Variants in SOX6 observed in about 807,000 individuals in gnomAD.
SOX6 encodes transcription factor SOX-6.
In SOX6, 11 loss-of-function variants were observed where a neutral mutation model predicts 97.8. The ratio of observed to expected loss-of-function variants is 0.11; its 90% CI spans 0.07 to 0.19. The LOEUF (loss-of-function observed/expected upper bound fraction) is 0.19, where lower values mean the gene tolerates loss of function less well. Ranked by LOEUF, SOX6 falls within the 10% of genes least tolerant of loss-of-function variation. SOX6 has a pLI of 1.00. For missense variants in SOX6, 810 were observed against 1,039.5 expected (o/e 0.78, Z 3.04); for synonymous variants, 360 against 371.4 (o/e 0.97, Z 0.35).
chr11:16,004,995 C>T lies in SOX6; in HGVS notation c.1732+9947G>A, dbSNP rs530045829. Among the ~76,000 whole-genome samples, 13 of 152,108 alleles carry T rather than the reference C, an allele frequency of 8.5e-5. No individual in the cohort carries two copies. The South Asian group carries it at 2.7e-3, about 32-fold the overall frequency. ...CTAGCACAGTGACTGGAACCCAATA[C>T]CTACTCACTAAGCAGTAGTTCATTT... On this transcript the variant is annotated intron_variant, in intron 13 of 15. Transcript: ENST00000683767.
chr11:16,031,124 T>G (rs990323131), intron 12 of SOX6, among the ~76,000 whole-genome samples: 2 of 152,130 alleles, frequency 1.3e-5, no homozygotes, highest in Non-Finnish European at 2.9e-5. Flanking sequence ...TTTAGAGACT[T>G]CCCCAAGATG....
At chr11:16,612,760 C>T (rs938338904) in intron 3 of SOX6, among the ~76,000 whole-genome samples, 1 of 152,060 alleles carries the variant, frequency 6.6e-6, no homozygotes, top group Admixed American at 6.5e-5. Flanking sequence ...CTCCTCCATT[C>T]CCCTCTAATG....
intron 3 of SOX6, among the ~76,000 whole-genome samples, chr11:16,308,435 T>C (rs1330986392): frequency 6.6e-6 from 1 of 152,194 alleles, no homozygotes; most frequent in Admixed American, 6.5e-5. Context: ...GATCAATTAA[T>C]TAATTATTAG....
At chr11:16,165,491 T>C (rs1850864124) in intron 6 of SOX6, among the ~76,000 whole-genome samples, 1 of 152,168 alleles carries the variant, frequency 6.6e-6, no homozygotes. Flanking sequence ...TACCAGTCAG[T>C]AAACTAAGGC....
intron 1 of SOX6, among the ~76,000 whole-genome samples, chr11:16,354,702 C>T (rs1857031318): frequency 6.6e-6 from 1 of 151,942 alleles, no homozygotes; most frequent in Non-Finnish European, 1.5e-5. Context: ...AACCCATTTG[C>T]TCAGAATTAA....
intron 3 of SOX6, among the ~76,000 whole-genome samples, chr11:16,296,195 A>G (rs1186014132): frequency 2.0e-5 from 3 of 152,184 alleles, no homozygotes; most frequent in African/African-American, 4.8e-5. Context: ...TAATTCAATT[A>G]TAAGTACTGA....
intron 4 of SOX6, among the ~76,000 whole-genome samples, chr11:16,560,422 C>CATATGTTTATACGTACAT (rs1222293297): frequency 8.8e-6 from 1 of 113,226 alleles, no homozygotes; most frequent in Non-Finnish European, 2.0e-5. Flanking sequence ...TATATACGTA[C>CATATGTTTATACGTACAT]ATATGTTTAT....
At chr11:16,426,933 A>AC (rs1859152512) in intron 1 of SOX6, among the ~76,000 whole-genome samples, 1 of 149,438 alleles carries the variant, frequency 6.7e-6, no homozygotes, top group Non-Finnish European at 1.5e-5. Flanking sequence ...AAAAAAAAAA[A>AC]AAACTGGATC....
chr11:16,731,399 C>T (rs1216100727), intron 2 of SOX6, among the ~76,000 whole-genome samples: 3 of 152,110 alleles, frequency 2.0e-5, no homozygotes, highest in Admixed American at 6.6e-5. Context: ...TTATTCACCA[C>T]GATCAAGTCA....
chr11:16,387,521 T>C (rs1858026326), intron 1 of SOX6, among the ~76,000 whole-genome samples: 1 of 152,098 alleles, frequency 6.6e-6, no homozygotes, highest in Admixed American at 6.6e-5. Flanking sequence ...ATATGGTAGA[T>C]TATTCATAAA....
chr11:15,992,047 T>G (rs999221495), intron 13 of SOX6, among the ~76,000 whole-genome samples: 5 of 152,238 alleles, frequency 3.3e-5, no homozygotes, highest in Non-Finnish European at 5.9e-5. Context: ...TTCACAGCAA[T>G]TCTCTGGGAC....
chr11:16,145,420 A>T (rs1024693524), intron 6 of SOX6, among the ~76,000 whole-genome samples: 2 of 152,230 alleles, frequency 1.3e-5, no homozygotes, highest in African/African-American at 2.4e-5. Context: ...AACTGGAAGC[A>T]TTCCCTTTGA....
chr11:16,460,520 T>A (rs1007918183), intron 1 of SOX6, among the ~76,000 whole-genome samples: 2 of 152,022 alleles, frequency 1.3e-5, no homozygotes, highest in African/African-American at 2.4e-5. Flanking sequence ...CTTTATTCTG[T>A]TTTTTTAAGT....
chr11:16,530,303 A>C (rs1861221453), intron 4 of SOX6, among the ~76,000 whole-genome samples: 1 of 152,110 alleles, frequency 6.6e-6, no homozygotes, highest in Non-Finnish European at 1.5e-5. Flanking sequence ...AAAATGTTTG[A>C]CATAAAAGGA....
chr11:16,426,738 C>A (rs905143762), intron 1 of SOX6, among the ~76,000 whole-genome samples: 8 of 151,376 alleles, frequency 5.3e-5, no homozygotes, highest in South Asian at 2.1e-4. Flanking sequence ...AACGGTGAAA[C>A]CCCGTCTCTA....
chr11:16,402,537 A>T, intron 1 of SOX6: 1 of 1,001,552 alleles, frequency 1.0e-6, no homozygotes. Flanking sequence ...TGGCCCACAG[A>T]AGCAAACCAC....
At chr11:16,056,991 T>C (rs1847831774) in intron 9 of SOX6, among the ~76,000 whole-genome samples, 1 of 152,138 alleles carries the variant, frequency 6.6e-6, no homozygotes, top group Non-Finnish European at 1.5e-5. Context: ...AAAAAGAGCA[T>C]GACCAAAATG....
intron 3 of SOX6, among the ~76,000 whole-genome samples, chr11:16,273,344 T>C (rs10832580): frequency 0.43 from 64,576 of 151,718 alleles, 14,693 homozygotes; most frequent in Non-Finnish European, 0.49. Flanking sequence ...AAAAGAAAAA[T>C]AAGAAGAAAA....
At chr11:16,549,263 G>A (rs1421526965) in intron 4 of SOX6, among the ~76,000 whole-genome samples, 5 of 152,024 alleles carry the variant, frequency 3.3e-5, no homozygotes, top group African/African-American at 9.7e-5. Context: ...TCCGCCTCCC[G>A]GGTTCAAGGG....
Sources: gnomAD v4.1 joint callset for allele counts (sites outside exome capture counted in the v4.1 genomes callset) on GRCh38, gnomAD v4.1.1 for gene constraint, MANE v1.5 for transcripts, NCBI Gene and HGNC (gene_info 2026-07-23, HGNC 2026-07-21) for gene names.